Variants in ARHGEF19 observed in about 807,000 individuals in gnomAD.
ARHGEF19 encodes the protein Rho guanine nucleotide exchange factor 19.
Under a neutral mutation model 87.6 loss-of-function variants are expected in ARHGEF19, and 92 were observed. That is an observed-to-expected ratio of 1.05 (90% CI 0.89 to 1.25). The LOEUF is 1.25. ARHGEF19 is among the 50% of genes most tolerant of loss of function. The probability of loss-of-function intolerance (pLI) is 0.00; values close to 1 mark genes in which losing one functional copy is unlikely to be tolerated. For missense variants in ARHGEF19, 1,054 were observed against 1,051.8 expected (o/e 1.00, Z -0.03); for synonymous variants, 438 against 446.2 (o/e 0.98, Z 0.23).
rs765636095 is a variant in ARHGEF19, at chr1:16,207,514, C to A, written c.874+8G>T. 2 of 1,613,810 alleles carry A rather than the reference C, an allele frequency of 1.2e-6. No individual in the cohort carries two copies. ...TTACCTCCTCCCAGGGACCCCCCTCCCACGTACAGTTAAGGAGGAATCGAG... is the reference window on the plus strand; with the variant it reads ...TTACCTCCTCCCAGGGACCCCCCTCACACGTACAGTTAAGGAGGAATCGAG... On this transcript the variant is annotated splice_region_variant and intron_variant, in intron 5 of 15. Transcript: ENST00000270747. The surrounding 1 kb of genome is among the most constrained non-coding windows in gnomAD (Gnocchi z 4.0).
Position 16,212,625 on chromosome 1 carries a change from G to C in ARHGEF19, c.-153C>G, listed in dbSNP as rs1048785362. The stretch of plus-strand genomic sequence containing the variant: ...AGCATGTCAGCATGGCCCCAGAGCC[G>C]AGCAAGGCAAGCTCCTGGGTATTGT... On this transcript the variant is annotated 5_prime_UTR_variant, in exon 1 of 16. Coordinates refer to ENST00000270747, the MANE Select transcript of ARHGEF19 (RefSeq NM_153213.5). 1 of 152,436 alleles carries C rather than the reference G, an allele frequency of 6.6e-6. No individual in the cohort carries two copies. Among genetic ancestry groups the C allele is most frequent in the African/African-American group, 2.4e-5 (1 of 41,438 alleles). 9.4% of individuals were successfully genotyped at this position (152,436 alleles called of 1,614,324 possible).
chr1:16,204,217 A>G (rs1456411425), intron 12 of ARHGEF19, among the ~76,000 whole-genome samples: 1 of 151,974 alleles, frequency 6.6e-6, no homozygotes, highest in Non-Finnish European at 1.5e-5. Context: ...CTTCTACCTC[A>G]CTCTTCCTAA....
rs918292657 is a variant in ARHGEF19 at position 16,208,895 on chromosome 1, C to A, written c.160G>T (p.Ala54Ser). ...CCAGGAGCCCGAAGCTCCTCTGGGG[C>A]AACAGGGAAAAGGTCCAGACACACT... ...SPVCLDLFPV[A>S]PEELRAPGSR... Residue 54 changes from alanine to serine, a missense_variant, in exon 2 of 16, where the codon GCC becomes TCC. Ala to Ser is a moderately conservative substitution (Grantham distance 99, BLOSUM62 1). Transcript: ENST00000270747. 8.1e-6 allele frequency: 13 copies of A among 1,601,046 alleles called. No homozygotes were observed. Among genetic ancestry groups the A allele is most frequent in the East Asian group, 4.5e-5 (2 of 44,742 alleles).
chr1:16,202,060 A>C (rs1569700079), intron 13 of ARHGEF19, among the ~76,000 whole-genome samples, 199 bp from the exon 14 acceptor site: 1 of 149,232 alleles, frequency 6.7e-6, no homozygotes, highest in African/African-American at 2.5e-5. Flanking sequence ...AGCTCTGAGC[A>C]TAACAGGCCC....
At position 16,205,022 on chromosome 1, in the gene ARHGEF19, CCAGGG is replaced by C; in HGVS notation, c.1746+60_1746+64del. ...GCAGCGATTAACTGGCCTGAAGCCC[CCAGGG>C]CAAGGAAGAAACAAGAGCTGCCCCT... On this transcript the variant is annotated intron_variant, in intron 11 of 15. Transcript: ENST00000270747. The surrounding 1 kb of genome is among the most constrained non-coding windows in gnomAD (Gnocchi z 5.8). 6.4e-7 allele frequency: 1 copy of C among 1,562,462 alleles called. No individual in the cohort carries two copies. The highest frequency in any genetic ancestry group is 1.2e-5 in the South Asian group (1 of 85,142).
rs753756450 is a variant in ARHGEF19 at position 16,198,718 on chromosome 1, C to T, written c.2278G>A (p.Asp760Asn). Residue 760 changes from aspartate (D) to asparagine (N), a missense_variant, in exon 16 of 16, where the codon GAT becomes AAT. By Grantham distance (23) the Asp-to-Asn change is conservative. Coordinates refer to ENST00000270747, the MANE Select transcript of ARHGEF19 (RefSeq NM_153213.5). This position sits in a 1 kb window ranked among gnomAD's most constrained non-coding sequence, Gnocchi z 4.1. Reference protein sequence around the residue: ...DGWLEGVRLADGEKGWVPQAY... With the variant: ...DGWLEGVRLANGEKGWVPQAY... ...TGGGGCACCCACCCCTTCTCACCATCTGCCAGGCGGACCCCTTCCAGCCAG... is the reference window on the plus strand; with the variant it reads ...TGGGGCACCCACCCCTTCTCACCATTTGCCAGGCGGACCCCTTCCAGCCAG... The T allele has an allele frequency of 6.2e-7, 1 of 1,610,472 alleles. No individual in the cohort carries two copies. Among genetic ancestry groups the T allele is most frequent in the South Asian group, 1.1e-5 (1 of 90,690 alleles).
Position 16,204,862 on chromosome 1 carries a change from G to C in ARHGEF19, c.1804C>G (p.Leu602Val). 1 of 1,603,242 alleles carries C rather than the reference G, an allele frequency of 6.2e-7. No individual in the cohort carries two copies. The highest frequency in any genetic ancestry group is 8.5e-7 in the Non-Finnish European group (1 of 1,175,086). ...WLVRHGELVE[L>V]APLPAAPPAK... Reference sequence around the variant, plus strand: ...GGGGGTGCTGCAGGCAGTGGTGCCAGCTCTACCAACTCTCCATGCCGAACC... The same window carrying C: ...GGGGGTGCTGCAGGCAGTGGTGCCACCTCTACCAACTCTCCATGCCGAACC... Residue 602 changes from leucine to valine, a missense_variant, in exon 12 of 16, where the codon CTG (leucine) becomes GTG (valine). By Grantham distance (32) the Leu-to-Val change is conservative. Coordinates refer to ENST00000270747, the MANE Select transcript of ARHGEF19 (RefSeq NM_153213.5).
In ARHGEF19 at chr1:16,204,752, G is replaced by C. The variant is rs199623972; in HGVS notation, c.1907+7C>G. 1.3e-6 allele frequency: 2 copies of C among 1,585,180 alleles called. No homozygotes were observed. Among genetic ancestry groups the C allele is most frequent in the Non-Finnish European group, 1.7e-6 (2 of 1,161,888 alleles). On this transcript the variant is annotated splice_region_variant and intron_variant, in intron 12 of 15. Coordinates refer to ENST00000270747, the MANE Select transcript of ARHGEF19 (RefSeq NM_153213.5). ...TTACCTACCCACCCCTGACTGCCCCGACTCACTCCTTCCGCCGAGAGAGCA... is the reference window on the plus strand; with the variant it reads ...TTACCTACCCACCCCTGACTGCCCCCACTCACTCCTTCCGCCGAGAGAGCA...
At position 16,208,696 on chromosome 1, in the gene ARHGEF19, C is replaced by T. The variant is rs942246822; in HGVS notation, c.359G>A (p.Arg120Gln). ...PPALEGPWSP[R>Q]HTQPQRRASH... ...GGCCCGGCGCTGTGGCTGTGTGTGT[C>T]GGGGACTCCAGGGTCCCTCCAGAGC... Residue 120 changes from arginine (R) to glutamine (Q), a missense_variant, in exon 2 of 16, where the codon CGA becomes CAA. By Grantham distance (43) the Arg-to-Gln change is conservative. Coordinates refer to ENST00000270747, the MANE Select transcript of ARHGEF19 (RefSeq NM_153213.5). The T allele has an allele frequency of 7.5e-6, 12 of 1,607,634 alleles. No homozygotes were observed. In the Admixed American group the frequency reaches 1.0e-4, roughly 14 times the overall value.
In ARHGEF19 at chr1:16,204,834, G is replaced by A; in HGVS notation, c.1832C>T (p.Ala611Val). 6 of 1,609,162 alleles carry A rather than the reference G, an allele frequency of 3.7e-6. No homozygotes were observed. Among genetic ancestry groups the A allele is most frequent in the Non-Finnish European group, 5.1e-6 (6 of 1,177,726 alleles). Residue 611 changes from alanine (A) to valine (V), a missense_variant, in exon 12 of 16, where the codon GCC (alanine) becomes GTC (valine). Coordinates refer to ENST00000270747, the MANE Select transcript of ARHGEF19 (RefSeq NM_153213.5). ...ELAPLPAAPP[A>V]KLKLSSKAVY... ...TGCCTTGCTGGACAGCTTCAGCTTG[G>A]CAGGGGGTGCTGCAGGCAGTGGTGC...
At position 16,204,915 on chromosome 1, in the gene ARHGEF19, A is replaced by G; in HGVS notation, c.1751T>C (p.Phe584Ser). 1 of 1,599,494 alleles carries G rather than the reference A, an allele frequency of 6.3e-7. No individual in the cohort carries two copies. Among genetic ancestry groups the G allele is most frequent in the Non-Finnish European group, 8.5e-7 (1 of 1,172,450 alleles). Residue 584 changes from phenylalanine to serine, a missense_variant, in exon 12 of 16, where the codon TTC (phenylalanine) becomes TCC (serine). Coordinates refer to ENST00000270747, the MANE Select transcript of ARHGEF19 (RefSeq NM_153213.5). Reference protein sequence around the residue: ...SKKIHFEGKIFPLISQARWLV... With the variant: ...SKKIHFEGKISPLISQARWLV... ...CCAGCGGGCCTGAGAGATCAGCGGG[A>G]AAATCTAGAGGGATGGAGAAGGATG... is the stretch of plus-strand genomic sequence containing the variant.
At chr1:16,199,676 G>A (rs1159740122) in intron 14 of ARHGEF19, among the ~76,000 whole-genome samples, 2 of 148,658 alleles carry the variant, frequency 1.3e-5, no homozygotes, top group Admixed American at 1.4e-4. Context: ...CTTCCCAACT[G>A]GGATTCAAGC....
intron 1 of ARHGEF19, among the ~76,000 whole-genome samples, chr1:16,212,151 G>A (rs1306787907): frequency 2.6e-5 from 4 of 152,204 alleles, no homozygotes; most frequent in Admixed American, 2.6e-4. Context: ...TACAGAAGAC[G>A]ATGGGCCCAC....
intron 13 of ARHGEF19, 137 bp downstream of exon 13, chr1:16,202,279 G>T (rs778081340): frequency 7.7e-7 from 1 of 1,294,536 alleles, no homozygotes; most frequent in Non-Finnish European, 1.0e-6. Context: ...AGTCAGGGAA[G>T]AGTTGAGCAC....
Position 16,199,264 on chromosome 1 carries a change from C to G in ARHGEF19, c.2147-10G>C. On this transcript the variant is annotated splice_polypyrimidine_tract_variant and intron_variant, in intron 14 of 15. Coordinates refer to ENST00000270747, the MANE Select transcript of ARHGEF19 (RefSeq NM_153213.5). ...TGAACCTGGGGGCAATCTGACAGCCCAAGGGAGGCTCAGGGAGTCCCAAGG... is the reference window on the plus strand; with the variant it reads ...TGAACCTGGGGGCAATCTGACAGCCGAAGGGAGGCTCAGGGAGTCCCAAGG... The G allele has an allele frequency of 6.2e-7, 1 of 1,613,578 alleles. No individual in the cohort carries two copies. Among genetic ancestry groups the G allele is most frequent in the African/African-American group, 1.3e-5 (1 of 74,944 alleles).
intron 12 of ARHGEF19, among the ~76,000 whole-genome samples, chr1:16,202,931 C>G (rs1328613206): frequency 1.3e-5 from 2 of 152,016 alleles, no homozygotes; most frequent in Non-Finnish European, 2.9e-5. Context: ...GGCTGGAGTG[C>G]AGTGGCATGA....
Position 16,202,589 on chromosome 1 carries a change from G to T in ARHGEF19, c.1908-15C>A, listed in dbSNP as rs2081092735. 2 of 1,608,896 alleles carry T rather than the reference G, an allele frequency of 1.2e-6. No individual in the cohort carries two copies. The highest frequency in any genetic ancestry group is 1.7e-6 in the Non-Finnish European group (2 of 1,176,238). On this transcript the variant is annotated splice_polypyrimidine_tract_variant and intron_variant, in intron 12 of 15. Coordinates refer to ENST00000270747, the MANE Select transcript of ARHGEF19 (RefSeq NM_153213.5). ...ACTTCCCTAGCCTGGAGGACCGGGGGAGGGGAGGTCAGCCTGGCCTGGGCC... is the reference window on the plus strand; with the variant it reads ...ACTTCCCTAGCCTGGAGGACCGGGGTAGGGGAGGTCAGCCTGGCCTGGGCC...
At chr1:16,210,202 C>T (rs1242551048) in intron 1 of ARHGEF19, among the ~76,000 whole-genome samples, 6 of 152,240 alleles carry the variant, frequency 3.9e-5, no homozygotes, top group Non-Finnish European at 7.3e-5. Flanking sequence ...AGCCCTCTCT[C>T]TGCCCAGCTG....
At position 16,198,727 on chromosome 1, in the gene ARHGEF19, G is replaced by A. The variant is rs777522798; in HGVS notation, c.2269C>T (p.Arg757Cys). The change falls in exon 16 of 16, where the codon CGC (arginine) becomes TGC (cysteine). Residue 757 changes from arginine to cysteine, a missense_variant. Physicochemically the swap from Arg to Cys is radical, Grantham distance 180. Transcript: ENST00000270747. This position sits in a 1 kb window ranked among gnomAD's most constrained non-coding sequence, Gnocchi z 4.1. ...CACCCCTTCTCACCATCTGCCAGGC[G>A]GACCCCTTCCAGCCAGCCTAGGGAC... is the stretch of plus-strand genomic sequence containing the variant. ...WTSDGWLEGV[R>C]LADGEKGWVP... 3.1e-6 allele frequency: 5 copies of A among 1,607,594 alleles called. No homozygotes were observed. The highest frequency in any genetic ancestry group is 2.2e-5 in the East Asian group (1 of 44,794).
Sources: gnomAD v4.1 joint callset for allele counts (sites outside exome capture counted in the v4.1 genomes callset) on GRCh38, gnomAD v4.1.1 for gene constraint, Gnocchi (gnomAD v3.1) non-coding constraint, MANE v1.5 for transcripts, NCBI Gene and HGNC (gene_info 2026-07-23, HGNC 2026-07-21) for gene names.